Variants in MYO5B observed in about 807,000 individuals in gnomAD.
The protein encoded by MYO5B is myosin VB, also known as unconventional myosin-Vb.
Under a neutral mutation model 229.3 loss-of-function variants are expected in MYO5B, and 143 were observed. The observed-to-expected ratio is 0.62, with a 90% CI of 0.54 to 0.72. The LOEUF (loss-of-function observed/expected upper bound fraction) is 0.72. MYO5B is among the 30% of genes least tolerant of loss of function. The pLI, the probability that MYO5B is intolerant of heterozygous loss-of-function variation, is 0.00. For missense variants in MYO5B, 2,321 were observed against 2,331.0 expected, an observed-to-expected ratio of 1.00 and a Z score of 0.09; for synonymous variants, 918 against 885.2, an observed-to-expected ratio of 1.04 and a Z score of -0.66.
intron 15 of MYO5B, among the ~76,000 whole-genome samples, chr18:49,936,882 G>C (rs539716908): frequency 2.0e-5 from 3 of 152,114 alleles, no homozygotes; most frequent in Non-Finnish European, 4.4e-5. Flanking sequence ...CCCCACAGCA[G>C]GAGAAGTTGC....
intron 4 of MYO5B, among the ~76,000 whole-genome samples, chr18:50,021,354 G>A (rs1211903866): frequency 6.6e-6 from 1 of 152,128 alleles, no homozygotes; most frequent in African/African-American, 2.4e-5. Context: ...GAACCCTGGA[G>A]TAAGAGGCGG....
intron 2 of MYO5B, among the ~76,000 whole-genome samples, chr18:50,044,801 CA>C (rs1477045357): frequency 6.6e-6 from 1 of 151,710 alleles, no homozygotes; most frequent in Non-Finnish European, 1.5e-5. Flanking sequence ...AGGATGCCGG[CA>C]GGGAAAAATA....
At chr18:50,006,775 C>T (rs542184927) in intron 4 of MYO5B, among the ~76,000 whole-genome samples, 1 of 152,098 alleles carries the variant, frequency 6.6e-6, no homozygotes, top group African/African-American at 2.4e-5. Context: ...TGGCAGGGCA[C>T]CTGAGGTCAC....
chr18:49,982,444 C>A (rs181341127), intron 8 of MYO5B, among the ~76,000 whole-genome samples: 273 of 152,288 alleles, frequency 1.8e-3, no homozygotes, highest in Non-Finnish European at 2.7e-3. Flanking sequence ...GTGGTAGACA[C>A]AGAATGAATA....
At chr18:49,872,122 C>T (rs1262360624) in intron 27 of MYO5B, 45 bp downstream of exon 27, 15 of 1,589,696 alleles carry the variant, frequency 9.4e-6, no homozygotes, top group Admixed American at 1.7e-5. Flanking sequence ...CATCTGCCCT[C>T]TGCCAGGGGA....
chr18:50,004,453 A>C (rs2026079927), intron 4 of MYO5B, among the ~76,000 whole-genome samples: 1 of 152,246 alleles, frequency 6.6e-6, no homozygotes, highest in African/African-American at 2.4e-5. Flanking sequence ...CGGATGTTAG[A>C]TCTGATGCTG....
At chr18:50,011,332 C>T (rs1191635044) in intron 4 of MYO5B, among the ~76,000 whole-genome samples, 1 of 152,104 alleles carries the variant, frequency 6.6e-6, no homozygotes, top group African/African-American at 2.4e-5. Flanking sequence ...ACAGATCGTT[C>T]CTCACTTCTC....
intron 2 of MYO5B, among the ~76,000 whole-genome samples, chr18:50,050,415 G>C (rs1223738293): frequency 6.6e-6 from 1 of 152,162 alleles, no homozygotes; most frequent in East Asian, 1.9e-4. Context: ...TGAGACTATA[G>C]CTTCTTGACA....
chr18:49,826,722 T>C (rs968168906), intron 39 of MYO5B, 99 bp from the exon 40 acceptor site: 1 of 1,394,450 alleles, frequency 7.2e-7, no homozygotes, highest in Admixed American at 1.7e-5. Flanking sequence ...CATGGAAAGA[T>C]TTCTACGACA....
chr18:50,107,685 G>T (rs2031787893), intron 1 of MYO5B, among the ~76,000 whole-genome samples: 1 of 152,134 alleles, frequency 6.6e-6, no homozygotes, highest in Non-Finnish European at 1.5e-5. Flanking sequence ...ACACATCTGT[G>T]GAGCAACAGA....
chr18:50,034,744 AAAAACAAAAC>A (rs1321738388), intron 4 of MYO5B, among the ~76,000 whole-genome samples: 2 of 152,136 alleles, frequency 1.3e-5, no homozygotes, highest in African/African-American at 4.8e-5. Flanking sequence ...ACTCCATCTC[AAAAACAAAAC>A]AAAACAAAAC....
At chr18:50,039,001 C>T (rs899054839) in intron 3 of MYO5B, among the ~76,000 whole-genome samples, 9 of 152,166 alleles carry the variant, frequency 5.9e-5, no homozygotes, top group Non-Finnish European at 1.2e-4. Context: ...GGAAGAAAAA[C>T]TCACCCTAAC....
At chr18:50,112,672 T>C (rs185269930) in intron 1 of MYO5B, among the ~76,000 whole-genome samples, 1 of 152,286 alleles carries the variant, frequency 6.6e-6, no homozygotes, top group African/African-American at 2.4e-5. Context: ...CTATATTAAG[T>C]CACTCCCTAC....
Position 50,183,766 on chromosome 18 carries a change from T to G in MYO5B, c.27+11001A>C, listed in dbSNP as rs1343321930. ...GGGTGGGAGGCGGGGCCTAGTGGGATGTGTTTGGGTTATAGGGGCGGATCC... is the reference window on the plus strand; with the variant it reads ...GGGTGGGAGGCGGGGCCTAGTGGGAGGTGTTTGGGTTATAGGGGCGGATCC... On this transcript the variant is annotated intron_variant, in intron 1 of 39. Coordinates refer to ENST00000285039, the MANE Select transcript of MYO5B (RefSeq NM_001080467.3). Among the ~76,000 whole-genome samples the G allele has an allele frequency of 7.9e-5, 12 of 151,950 alleles. No individual in the cohort carries two copies. In the East Asian group the frequency reaches 2.3e-3, roughly 30 times the overall value.
chr18:50,147,154 C>A (rs1251253578), intron 1 of MYO5B, among the ~76,000 whole-genome samples: 1 of 152,118 alleles, frequency 6.6e-6, no homozygotes, highest in African/African-American at 2.4e-5. Context: ...AGCTCACAGG[C>A]CAACCCTACC....
At chr18:50,010,229 G>A (rs1269337008) in intron 4 of MYO5B, among the ~76,000 whole-genome samples, 2 of 152,200 alleles carry the variant, frequency 1.3e-5, no homozygotes, top group African/African-American at 4.8e-5. Flanking sequence ...AGTGGCCCTT[G>A]GAGTGCTAAG....
At chr18:50,082,035 C>T (rs2031232145) in intron 1 of MYO5B, among the ~76,000 whole-genome samples, 2 of 152,186 alleles carry the variant, frequency 1.3e-5, no homozygotes, top group African/African-American at 4.8e-5. Flanking sequence ...TATTTATACC[C>T]ATAAAAGTCA....
At chr18:49,866,557 T>G (rs114113725) in intron 27 of MYO5B, among the ~76,000 whole-genome samples, 1 of 152,196 alleles carries the variant, frequency 6.6e-6, no homozygotes, top group South Asian at 2.1e-4. Context: ...GTCTCTGAGT[T>G]TGAACCTTCT....
rs753184725 is a variant in MYO5B at position 49,894,965 on chromosome 18, G to A, written c.3021C>T (p.Ser1007=). ...CCTTCCTCAGCTCATCTTTCTCCCT[G>A]CTGTGGGCGTCCTCCAAGATCTTGC... ...SERKILEDAH[S]REKDELRKRV... The change falls in exon 22 of 40, where the codon AGC becomes AGT. Residue 1007 remains serine, a synonymous_variant. Coordinates refer to ENST00000285039, the MANE Select transcript of MYO5B (RefSeq NM_001080467.3). The A allele has an allele frequency of 7.4e-6, 12 of 1,613,224 alleles. No individual in the cohort carries two copies. The highest frequency in any genetic ancestry group is 1.0e-5 in the Non-Finnish European group (12 of 1,180,034).
Sources: gnomAD v4.1 joint callset for allele counts (sites outside exome capture counted in the v4.1 genomes callset) on GRCh38, gnomAD v4.1.1 for gene constraint, MANE v1.5 for transcripts, NCBI Gene and HGNC (gene_info 2026-07-23, HGNC 2026-07-21) for gene names.